XPR1: variants seen among roughly 807,000 people sequenced by gnomAD.
The protein encoded by XPR1 is xenotropic and polytropic retrovirus receptor 1.
A neutral mutation model predicts 87.5 loss-of-function variants in XPR1; 28 were observed. That is an observed-to-expected ratio of 0.32 (90% confidence interval 0.24 to 0.44). The LOEUF is 0.44. Ranked by LOEUF, XPR1 falls within the 20% of genes least tolerant of loss-of-function variation. The pLI is 1.00. For synonymous variants in XPR1, 300 were observed against 306.1 expected, an observed-to-expected ratio of 0.98 and a Z score of 0.21; for missense variants, 559 against 862.3, an observed-to-expected ratio of 0.65 and a Z score of 4.41.
intron 2 of XPR1, among the ~76,000 whole-genome samples, chr1:180,738,978 T>G (rs1166060859): frequency 6.6e-6 from 1 of 152,188 alleles, no homozygotes; most frequent in Non-Finnish European, 1.5e-5. Context: ...ATTTTCTCCT[T>G]TGTTTTCTTC....
At chr1:180,737,248 TTTTCCTACGTTATGTAAGGGCAAC>T (rs953403017) in intron 2 of XPR1, among the ~76,000 whole-genome samples, 1 of 152,054 alleles carries the variant, frequency 6.6e-6, no homozygotes, top group Admixed American at 6.5e-5. Flanking sequence ...GAATAGGCTG[TTTTCCTACGTTATGTAAGGGCAAC>T]AAGTAGCAAA....
At position 180,640,612 on chromosome 1, in the gene XPR1, T is replaced by C. The variant is rs560105936; in HGVS notation, c.69+8342T>C. Among the ~76,000 whole-genome samples, 8 of 152,364 alleles carry C rather than the reference T, an allele frequency of 5.3e-5. No homozygotes were observed. In the South Asian group the frequency reaches 1.4e-3, roughly 28 times the overall value. On this transcript the variant is annotated intron_variant, in intron 1 of 14. Coordinates refer to ENST00000367590, the MANE Select transcript of XPR1 (RefSeq NM_004736.4). ...AGTGAAGTAATGGCGGGTCTATTTT[T>C]AGTCCCAGGTCTTAGTCTGCATAGT...
At chr1:180,747,938 G>C (rs1354981452) in intron 2 of XPR1, among the ~76,000 whole-genome samples, 1 of 152,086 alleles carries the variant, frequency 6.6e-6, no homozygotes, top group African/African-American at 2.4e-5. Flanking sequence ...GAAATCAGAA[G>C]AACAACAACC....
chr1:180,862,431 T>G (rs1340703613), intron 11 of XPR1, among the ~76,000 whole-genome samples: 1 of 152,104 alleles, frequency 6.6e-6, no homozygotes, highest in Non-Finnish European at 1.5e-5. Flanking sequence ...CTCAGTATCT[T>G]CCTTCAGCCT....
intron 2 of XPR1, among the ~76,000 whole-genome samples, chr1:180,761,833 G>A (rs1229516330): frequency 1.3e-5 from 2 of 152,148 alleles, no homozygotes; most frequent in East Asian, 1.9e-4. Flanking sequence ...TATGTTTATA[G>A]CGGCACTATT....
In XPR1 at chr1:180,736,072, C is replaced by T. The variant is rs1470344093; in HGVS notation, c.122-51681C>T. ...AAATACATAATTAGAAGTATGTAAG[C>T]AATGTGAAGAAGAAATAGAGTGCTA... is the stretch of plus-strand genomic sequence containing the variant. On this transcript the variant is annotated intron_variant, in intron 2 of 14. Transcript: ENST00000367590. Among the ~76,000 whole-genome samples, 4 of 151,992 alleles carry T rather than the reference C, an allele frequency of 2.6e-5. No homozygotes were observed. In the East Asian group the frequency reaches 5.8e-4, roughly 22 times the overall value.
rs551979960 is a variant in XPR1, at chr1:180,780,563, A to G, written c.122-7190A>G. On this transcript the variant is annotated intron_variant, in intron 2 of 14. Coordinates refer to ENST00000367590, the MANE Select transcript of XPR1 (RefSeq NM_004736.4). ...TGACATATTTTCTAAAAGAGATGCA[A>G]GAGTTCCATCCTGGCTAACATGGTG... is the stretch of plus-strand genomic sequence containing the variant. Among the ~76,000 whole-genome samples, 12 of 152,224 alleles carry G rather than the reference A, an allele frequency of 7.9e-5. No individual in the cohort carries two copies. In the East Asian group the frequency reaches 2.1e-3, roughly 27 times the overall value.
At chr1:180,743,755 A>G (rs1156501792) in intron 2 of XPR1, among the ~76,000 whole-genome samples, 2 of 152,108 alleles carry the variant, frequency 1.3e-5, no homozygotes, top group East Asian at 1.9e-4. Context: ...GATGTTTTCA[A>G]TGGATATGTA....
At chr1:180,753,365 G>A (rs1647604655) in intron 2 of XPR1, among the ~76,000 whole-genome samples, 1 of 152,030 alleles carries the variant, frequency 6.6e-6, no homozygotes, top group Non-Finnish European at 1.5e-5. Flanking sequence ...GGAAGTTCAA[G>A]ACCAGCCTGC....
At chr1:180,734,876 T>C (rs1240258852) in intron 2 of XPR1, among the ~76,000 whole-genome samples, 1 of 152,194 alleles carries the variant, frequency 6.6e-6, no homozygotes, top group East Asian at 1.9e-4. Flanking sequence ...AGAAAATAAG[T>C]ACTGAAAAGG....
At chr1:180,813,807 G>A (rs1282200583) in intron 7 of XPR1, among the ~76,000 whole-genome samples, 1 of 152,112 alleles carries the variant, frequency 6.6e-6, no homozygotes, top group African/African-American at 2.4e-5. Context: ...ATTTTGTTCA[G>A]TGAAGTCTGC....
At chr1:180,781,874 CAA>C (rs1483573834) in intron 2 of XPR1, among the ~76,000 whole-genome samples, 1 of 151,890 alleles carries the variant, frequency 6.6e-6, no homozygotes, top group Non-Finnish European at 1.5e-5. Flanking sequence ...CGGCTCACTG[CAA>C]ACTCTGCCTC....
At chr1:180,758,343 G>A (rs903155231) in intron 2 of XPR1, among the ~76,000 whole-genome samples, 16 of 152,092 alleles carry the variant, frequency 1.1e-4, no homozygotes, top group African/African-American at 3.1e-4. Flanking sequence ...AGACGGGGAA[G>A]GGGAGGAGGG....
chr1:180,816,957 T>A (rs895694653), intron 7 of XPR1, among the ~76,000 whole-genome samples: 13 of 152,222 alleles, frequency 8.5e-5, no homozygotes, highest in African/African-American at 3.1e-4. Flanking sequence ...GACAGCTCCC[T>A]GTGTGTTATT....
chr1:180,819,331 C>T (rs1650528185), intron 7 of XPR1, among the ~76,000 whole-genome samples: 1 of 152,100 alleles, frequency 6.6e-6, no homozygotes, highest in Admixed American at 6.5e-5. Flanking sequence ...ATATCTTTAG[C>T]ATTTATTGTT....
chr1:180,790,282 C>G (rs1649323775), intron 3 of XPR1, among the ~76,000 whole-genome samples: 1 of 152,010 alleles, frequency 6.6e-6, no homozygotes, highest in African/African-American at 2.4e-5. Context: ...TAATTATTTC[C>G]TCTAAGAATT....
At chr1:180,699,299 G>T in intron 2 of XPR1, among the ~76,000 whole-genome samples, 1 of 120,994 alleles carries the variant, frequency 8.3e-6, no homozygotes, top group Non-Finnish European at 1.7e-5. Context: ...GTGCCATGCT[G>T]GTGCGCTGCA....
chr1:180,856,388 A>C (rs1251925899), intron 11 of XPR1, among the ~76,000 whole-genome samples: 1 of 151,874 alleles, frequency 6.6e-6, no homozygotes, highest in East Asian at 1.9e-4. Flanking sequence ...CTTATCTCTC[A>C]TTGTAGCCTG....
intron 1 of XPR1, among the ~76,000 whole-genome samples, chr1:180,668,062 A>G (rs904585811): frequency 1.8e-5 from 2 of 113,830 alleles, no homozygotes; most frequent in Non-Finnish European, 3.9e-5. Context: ...ATTTTTCTCT[A>G]TTGTTTTTCT....
Sources: gnomAD v4.1 joint callset for allele counts (sites outside exome capture counted in the v4.1 genomes callset) on GRCh38, gnomAD v4.1.1 for gene constraint, MANE v1.5 for transcripts, NCBI Gene and HGNC (gene_info 2026-07-23, HGNC 2026-07-21) for gene names.